The following KALRN variants were observed in gnomAD, a reference collection of about 807,000 sequenced individuals.
KALRN encodes kalirin.
Under a neutral mutation model 353.7 loss-of-function variants are expected in KALRN, and 70 were observed. The ratio of observed to expected loss-of-function variants is 0.20; its 90% CI spans 0.16 to 0.24. KALRN has a LOEUF of 0.24. KALRN is among the 10% of genes least tolerant of loss of function. KALRN has a pLI of 1.00. For synonymous variants in KALRN, 1,391 were observed against 1,434.8 expected (o/e 0.97, Z 0.69); for missense variants, 2,791 against 3,756.7 (o/e 0.74, Z 6.72).
At chr3:124,349,307 A>G (rs1200833326) in intron 10 of KALRN, among the ~76,000 whole-genome samples, 1 of 152,228 alleles carries the variant, frequency 6.6e-6, no homozygotes, top group Non-Finnish European at 1.5e-5. Flanking sequence ...GGTGGTTGTC[A>G]GAGGCTGGGG....
Position 124,726,195 on chromosome 3 carries a change from T to C in KALRN, c.*6725T>C, listed in dbSNP as rs971877277. The C allele has an allele frequency of 6.6e-6, 1 of 152,244 alleles. No individual in the cohort carries two copies. The highest frequency in any genetic ancestry group is 2.4e-5 in the African/African-American group (1 of 41,468). The allele number at this position is 152,244 out of a possible 1,614,324, so 9.4% of individuals were successfully genotyped here. ...TATTTGTAAGTCAAAATCACTCATG[T>C]GTAATGTTGTAAAGTGATGACCTGC... On this transcript the variant is annotated 3_prime_UTR_variant, in exon 60 of 60. Coordinates refer to ENST00000682506, the MANE Select transcript of KALRN (RefSeq NM_001388419.1).
chr3:124,037,519 A>T (rs1452870203), intron 1 of KALRN, among the ~76,000 whole-genome samples: 1 of 152,216 alleles, frequency 6.6e-6, no homozygotes, highest in Non-Finnish European at 1.5e-5. Flanking sequence ...GTAGGGAGTC[A>T]TTATGGATTC....
rs371653001 is a variant in KALRN, at chr3:124,342,976, C to A, written c.1648-4167C>A. On this transcript the variant is annotated intron_variant, in intron 9 of 59. Coordinates refer to ENST00000682506, the MANE Select transcript of KALRN (RefSeq NM_001388419.1). ...CCCTGGGGGCCAGGCTTACCACCTG[C>A]CTCTCCATCTCCCCCATAGCCAATT... 2.6e-5 allele frequency among the ~76,000 whole-genome samples: 4 copies of A among 152,352 alleles called. No individual in the cohort carries two copies. In the South Asian group the frequency reaches 8.3e-4, roughly 32 times the overall value.
In KALRN at chr3:124,640,273, C is replaced by T. The variant is rs111378454; in HGVS notation, c.5664+2970C>T. ...ATGAGCTGTGTGTGACTAATGCATT[C>T]GATTCTTTCTTTCTTTTTTTTTTTT... On this transcript the variant is annotated intron_variant, in intron 37 of 59. Transcript: ENST00000682506. Among the ~76,000 whole-genome samples the T allele has an allele frequency of 5.4e-5, 8 of 148,832 alleles. No individual in the cohort carries two copies. The East Asian group carries it at 8.0e-4, about 15-fold the overall frequency.
In KALRN at chr3:124,633,744, A is replaced by C. The variant is rs1030718012; in HGVS notation, c.5467-108A>C. On this transcript the variant is annotated intron_variant, in intron 35 of 59. Transcript: ENST00000682506. ...AATTGCGACTGAACAGTTAAGAGTG[A>C]GTTGAGAGAGGAACTCTCCTCCTAT... The C allele has an allele frequency of 8.2e-6, 7 of 858,364 alleles. No individual in the cohort carries two copies. In the African/African-American group the frequency reaches 1.0e-4, roughly 13 times the overall value. 53.2% of individuals were successfully genotyped at this position (858,364 alleles called of 1,614,324 possible).
chr3:124,632,556 G>A lies in KALRN; in HGVS notation c.5319G>A (p.Leu1773=). Reference sequence around the variant, plus strand: ...CCACCAACACTCTTAAGAAGTGGCTGACGAGTCCTGTGCGTCGGCTTAACA... The same window carrying A: ...CCACCAACACTCTTAAGAAGTGGCTAACGAGTCCTGTGCGTCGGCTTAACA... ...KRSTNTLKKW[L]TSPVRRLNSG... The change falls in exon 35 of 60, where the codon CTG becomes CTA. Residue 1773 remains leucine, a synonymous_variant. Coordinates refer to ENST00000682506, the MANE Select transcript of KALRN (RefSeq NM_001388419.1). 6.2e-7 allele frequency: 1 copy of A among 1,614,204 alleles called. No individual in the cohort carries two copies. Among genetic ancestry groups the A allele is most frequent in the Non-Finnish European group, 8.5e-7 (1 of 1,180,042 alleles).
At chr3:124,202,427 T>G (rs979591333) in intron 1 of KALRN, among the ~76,000 whole-genome samples, 3 of 152,086 alleles carry the variant, frequency 2.0e-5, no homozygotes, top group African/African-American at 7.2e-5. Flanking sequence ...ATTTTTGTAT[T>G]CTTTGTAGAA....
intron 33 of KALRN, among the ~76,000 whole-genome samples, chr3:124,543,980 T>C (rs1013460587): frequency 2.0e-5 from 3 of 152,208 alleles, no homozygotes; most frequent in Non-Finnish European, 4.4e-5. Context: ...GTACAAAGCC[T>C]CTAGGTACCC....
At chr3:124,161,284 T>C (rs962434011) in intron 1 of KALRN, among the ~76,000 whole-genome samples, 2 of 152,228 alleles carry the variant, frequency 1.3e-5, no homozygotes, top group African/African-American at 4.8e-5. Context: ...AATGCTTGTA[T>C]TTGCAATCAT....
At chr3:124,110,469 G>GCACACACACA (rs1553768422) in intron 1 of KALRN, among the ~76,000 whole-genome samples, 10 of 134,050 alleles carry the variant, frequency 7.5e-5, no homozygotes, top group East Asian at 4.0e-4. Flanking sequence ...ACACACGCGC[G>GCACACACACA]CACACACACA....
At chr3:124,096,795 G>A (rs1363250648) in intron 1 of KALRN, 1 of 152,178 alleles carries the variant, frequency 6.6e-6, no homozygotes, top group East Asian at 1.9e-4. Context: ...GAATTTGGGG[G>A]AAATTTATTG....
intron 5 of KALRN, among the ~76,000 whole-genome samples, chr3:124,290,572 A>C (rs979519696): frequency 4.6e-5 from 7 of 152,170 alleles, no homozygotes; most frequent in Non-Finnish European, 7.3e-5. Context: ...TAAGAGCATC[A>C]ACTCTGGAAC....
At chr3:124,366,404 C>T (rs570627365) in intron 10 of KALRN, among the ~76,000 whole-genome samples, 3 of 149,110 alleles carry the variant, frequency 2.0e-5, no homozygotes, top group South Asian at 2.2e-4. Context: ...TTGGTGATGA[C>T]TCTTAACGAG....
chr3:124,224,737 A>G (rs949360159), intron 1 of KALRN, among the ~76,000 whole-genome samples: 1 of 152,210 alleles, frequency 6.6e-6, no homozygotes, highest in Non-Finnish European at 1.5e-5. Context: ...CCAAGGTGCA[A>G]TGAATCTTGT....
chr3:124,662,288 C>T lies in KALRN; in HGVS notation c.6345+360C>T, dbSNP rs540090586. 5.4e-5 allele frequency among the ~76,000 whole-genome samples: 8 copies of T among 149,190 alleles called. No homozygotes were observed. The South Asian group carries it at 1.7e-3, about 32-fold the overall frequency. ...GTGCAATCCTGGCTTACTGCAGCCT[C>T]AGCCTCCTGGGCTCAAGCAGCCCTC... On this transcript the variant is annotated intron_variant, in intron 45 of 59. Transcript: ENST00000682506.
At chr3:124,247,102 G>A (rs114193174) in intron 3 of KALRN, among the ~76,000 whole-genome samples, 1,745 of 152,116 alleles carry the variant, frequency 0.011, 33 homozygotes, top group African/African-American at 0.04. Flanking sequence ...TATTTGATAC[G>A]GACACTCTAT....
At chr3:124,351,599 G>C (rs1353298454) in intron 10 of KALRN, among the ~76,000 whole-genome samples, 1 of 152,184 alleles carries the variant, frequency 6.6e-6, no homozygotes, top group Non-Finnish European at 1.5e-5. Context: ...ACGGGGAGGG[G>C]TTAGGCAGTG....
intron 1 of KALRN, among the ~76,000 whole-genome samples, chr3:124,148,453 C>T (rs1578621200): frequency 1.3e-5 from 2 of 152,290 alleles, no homozygotes; most frequent in East Asian, 3.9e-4. Flanking sequence ...AGGTATGAAA[C>T]CCCTTCTCTT....
intron 1 of KALRN, among the ~76,000 whole-genome samples, chr3:124,105,136 G>A (rs1164491907): frequency 1.3e-5 from 2 of 152,062 alleles, no homozygotes; most frequent in African/African-American, 4.8e-5. Context: ...GGAAGAGAAG[G>A]ATGTAAAAGA....
Sources: allele counts gnomAD v4.1 joint callset (sites outside exome capture counted in the v4.1 genomes callset), GRCh38; gene constraint gnomAD v4.1.1; transcripts MANE v1.5; gene names NCBI Gene and HGNC (gene_info 2026-07-23, HGNC 2026-07-21).